TMEM114: variants seen among roughly 807,000 people sequenced by gnomAD.
The protein encoded by TMEM114 is transmembrane protein 114.
TMEM114 carries 6 observed loss-of-function variants against 6.2 expected under a neutral mutation model. The observed-to-expected ratio is 0.97, with a 90% CI of 0.53 to 1.91. The LOEUF (loss-of-function observed/expected upper bound fraction) is 1.91. Ranked by LOEUF, TMEM114 falls within the 40% of genes most tolerant of loss-of-function variation. TMEM114 has a pLI of 0.01. For missense variants in TMEM114, 218 were observed against 158.3 expected (o/e 1.38, Z -2.02); for synonymous variants, 104 against 73.0 (o/e 1.42, Z -2.16).
intron 2 of TMEM114, among the ~76,000 whole-genome samples, chr16:8,557,790 C>T (rs1021524738): frequency 2.6e-5 from 4 of 152,174 alleles, no homozygotes; most frequent in Non-Finnish European, 4.4e-5. Flanking sequence ...GAAGATAAAG[C>T]GCCATCATCA....
rs538257021 is a variant in TMEM114, at chr16:8,554,107, G to T, written n.213-16281C>A. ...TTGCCCAGGCTGATCTTGAACTCCT[G>T]AGCTCAGGTGATCCACCCGACTTGG... On this transcript the variant is annotated intron_variant and non_coding_transcript_variant, in intron 2 of 2. Transcript: ENST00000623677. 3.0e-4 allele frequency among the ~76,000 whole-genome samples: 46 copies of T among 152,232 alleles called. No individual in the cohort carries two copies. The South Asian group carries it at 8.1e-3, about 27-fold the overall frequency.
chr16:8,536,666 G>C (rs1900369528), downstream of TMEM114, among the ~76,000 whole-genome samples: 1 of 151,866 alleles, frequency 6.6e-6, no homozygotes, highest in African/African-American at 2.4e-5. Context: ...ATTTTGGTTT[G>C]TTTTTGTTTG....
downstream of TMEM114, among the ~76,000 whole-genome samples, chr16:8,565,238 A>G (rs1344117060): frequency 6.6e-6 from 1 of 152,198 alleles, no homozygotes; most frequent in African/African-American, 2.4e-5. Context: ...TGAATGAAGC[A>G]TGGGACAGGT....
rs539291729 is a variant in TMEM114 at position 8,538,109 on chromosome 16, G to A, written n.213-283C>T. Among the ~76,000 whole-genome samples, 7 of 120,580 alleles carry A rather than the reference G, an allele frequency of 5.8e-5. No homozygotes were observed. The South Asian group carries it at 1.1e-3, about 20-fold the overall frequency. 79.1% of individuals were successfully genotyped at this position (120,580 alleles called of 152,430 possible). A position where few individuals can be genotyped will look rare whatever the true frequency, so the allele number is the denominator to read the frequency against. ...AGCCCAGGAGTTCGAGACCAGCCTGGACAGCATGGTGTGACTGTCTCTACA... is the reference window on the plus strand; with the variant it reads ...AGCCCAGGAGTTCGAGACCAGCCTGAACAGCATGGTGTGACTGTCTCTACA... On this transcript the variant is annotated intron_variant and non_coding_transcript_variant, in intron 2 of 2. Transcript: ENST00000623677.
At chr16:8,547,782 G>T (rs1900718300) in intron 2 of TMEM114, among the ~76,000 whole-genome samples, 1 of 152,146 alleles carries the variant, frequency 6.6e-6, no homozygotes, top group Non-Finnish European at 1.5e-5. Context: ...AAGTCTCGGG[G>T]AAGTGCGGAC....
chr16:8,557,910 G>A (rs1901066208), intron 2 of TMEM114, among the ~76,000 whole-genome samples: 1 of 152,154 alleles, frequency 6.6e-6, no homozygotes, highest in African/African-American at 2.4e-5. Context: ...AAATTAGGTG[G>A]CTTAAAACAA....
At chr16:8,565,111 G>A (rs1051385660), downstream of TMEM114, among the ~76,000 whole-genome samples, 1 of 151,324 alleles carries the variant, frequency 6.6e-6, no homozygotes, top group Non-Finnish European at 1.5e-5. Context: ...GTGAATAAGT[G>A]AGTGAGTGAG....
intron 2 of TMEM114, among the ~76,000 whole-genome samples, chr16:8,559,713 C>T (rs1161825080): frequency 6.6e-6 from 1 of 151,916 alleles, no homozygotes; most frequent in African/African-American, 2.4e-5. Flanking sequence ...AATCCCCATG[C>T]CACCCTCACA....
intron 2 of TMEM114, among the ~76,000 whole-genome samples, chr16:8,546,742 G>C (rs1299262514): frequency 2.6e-5 from 4 of 152,154 alleles, no homozygotes; most frequent in Non-Finnish European, 1.5e-5. Context: ...CCCACCTTCA[G>C]GTTCCCCATG....
chr16:8,582,930 G>T (rs1239204598), intron 2 of TMEM114, among the ~76,000 whole-genome samples: 1 of 151,948 alleles, frequency 6.6e-6, no homozygotes, highest in Non-Finnish European at 1.5e-5. Flanking sequence ...GCAGGGAAGG[G>T]CAGGGAAGGG....
At chr16:8,561,932 GTGAGTAAGTGAA>G (rs1315326274) in intron 2 of TMEM114, among the ~76,000 whole-genome samples, 2 of 132,484 alleles carry the variant, frequency 1.5e-5, no homozygotes, top group African/African-American at 5.7e-5. Flanking sequence ...GAATGAGTGA[GTGAGTAAGTGAA>G]TGAGTGAATG....
At chr16:8,547,458 T>C (rs1900706105) in intron 2 of TMEM114, among the ~76,000 whole-genome samples, 2 of 151,246 alleles carry the variant, frequency 1.3e-5, no homozygotes, top group Admixed American at 6.6e-5. Flanking sequence ...AGTGGTGCAA[T>C]TTCAGCTCAC....
chr16:8,528,431 C>T, the TMEM114 span, among the ~76,000 whole-genome samples: 704 of 152,222 alleles, frequency 4.6e-3, 10 homozygotes, highest in Non-Finnish European at 3.7e-3. Flanking sequence ...CTGACCTGCT[C>T]CCCCAAACAT....
downstream of TMEM114, among the ~76,000 whole-genome samples, chr16:8,537,073 G>T (rs1318859531): frequency 6.6e-6 from 1 of 152,118 alleles, no homozygotes; most frequent in African/African-American, 2.4e-5. Context: ...GGACTTGGTG[G>T]TGCATACCTG....
chr16:8,529,914 A>G, the TMEM114 span, among the ~76,000 whole-genome samples: 2 of 152,168 alleles, frequency 1.3e-5, no homozygotes, highest in African/African-American at 2.4e-5. Flanking sequence ...ATGAATTAGT[A>G]TTTGCACTCA....
At chr16:8,582,418 T>C (rs1258992194) in intron 2 of TMEM114, among the ~76,000 whole-genome samples, 2 of 152,248 alleles carry the variant, frequency 1.3e-5, no homozygotes, top group African/African-American at 4.8e-5. Context: ...CCTGCTGTTC[T>C]GTCTCGTAAT....
At chr16:8,589,496 C>G (rs1400118470) in intron 1 of TMEM114, 123 bp downstream of exon 1, 3 of 398,074 alleles carry the variant, frequency 7.5e-6, no homozygotes, top group African/African-American at 6.2e-5. Flanking sequence ...CCCCGAGTCC[C>G]TAGACATTGT....
At chr16:8,545,083 T>C (rs1900621727) in intron 2 of TMEM114, among the ~76,000 whole-genome samples, 2 of 152,208 alleles carry the variant, frequency 1.3e-5, no homozygotes, top group African/African-American at 2.4e-5. Flanking sequence ...ATCAGGCCTA[T>C]ATTGCACCCT....
chr16:8,526,600 C>G, the TMEM114 span: 1 of 150,786 alleles, frequency 6.6e-6, no homozygotes, highest in African/African-American at 2.4e-5. Flanking sequence ...GATGAGAGTT[C>G]GGGCTTTCAC....
Sources: gnomAD v4.1 joint callset for allele counts (sites outside exome capture counted in the v4.1 genomes callset) on GRCh38, gnomAD v4.1.1 for gene constraint, MANE v1.5 for transcripts, NCBI Gene and HGNC (gene_info 2026-07-23, HGNC 2026-07-21) for gene names.